The following MAMDC2 variants were observed in gnomAD, a reference collection of about 807,000 sequenced individuals.
The protein encoded by MAMDC2 is MAM domain-containing protein 2.
MAMDC2 carries 57 observed loss-of-function variants against 89.8 expected under a neutral mutation model. The ratio of observed to expected loss-of-function variants is 0.63; its 90% CI spans 0.51 to 0.79. The LOEUF (loss-of-function observed/expected upper bound fraction) is 0.79, where lower values mean the gene tolerates loss of function less well. Ranked by LOEUF, MAMDC2 falls within the 30% of genes least tolerant of loss-of-function variation. The pLI is 0.00. For synonymous variants in MAMDC2, 313 were observed against 293.4 expected (o/e 1.07, Z -0.68); for missense variants, 800 against 820.6 (o/e 0.97, Z 0.31).
chr9:70,141,755 A>C (rs1257495062), intron 8 of MAMDC2, among the ~76,000 whole-genome samples: 2 of 152,210 alleles, frequency 1.3e-5, no homozygotes, highest in Admixed American at 6.5e-5. Context: ...AAGACAAAAA[A>C]GGGTCAGGGG....
chr9:70,179,188 G>A (rs1199583736), intron 11 of MAMDC2, among the ~76,000 whole-genome samples: 1 of 152,004 alleles, frequency 6.6e-6, no homozygotes, highest in African/African-American at 2.4e-5. Flanking sequence ...TAAGACATTG[G>A]AGATCTATCT....
intron 7 of MAMDC2, among the ~76,000 whole-genome samples, chr9:70,134,717 G>T (rs568480491): frequency 1.3e-5 from 2 of 152,278 alleles, no homozygotes; most frequent in South Asian, 4.1e-4. Flanking sequence ...TACAGCTAAG[G>T]TTGCCCCAGC....
intron 5 of MAMDC2, among the ~76,000 whole-genome samples, chr9:70,121,429 C>G (rs909572424): frequency 6.6e-6 from 1 of 152,142 alleles, no homozygotes; most frequent in Non-Finnish European, 1.5e-5. Flanking sequence ...AAACCTCAGG[C>G]TCTTTGTGTA....
intron 12 of MAMDC2, among the ~76,000 whole-genome samples, chr9:70,219,031 G>T (rs533223444): frequency 2.0e-5 from 3 of 152,254 alleles, no homozygotes; most frequent in Non-Finnish European, 4.4e-5. Flanking sequence ...ATGGTCCAGA[G>T]TAAGTTTTGT....
rs545075721 is a variant in MAMDC2 at position 70,055,070 on chromosome 9, C to CAAA, written c.148+10376_148+10378dup. 4.2e-3 allele frequency among the ~76,000 whole-genome samples: 642 copies of CAAA among 152,180 alleles called. 5 individuals are homozygous for CAAA. Among genetic ancestry groups the CAAA allele is most frequent in the African/African-American group, 0.015 (612 of 41,532 alleles). On this transcript the variant is annotated intron_variant, in intron 2 of 13. Transcript: ENST00000377182. ...GTCTCTTTAAAAAAACAAAACAACA[C>CAAA]AAAAACAAGTCTTTTATAAGCTGCA...
rs149704650 is a variant in MAMDC2, at chr9:70,140,225, G to C, written c.1075G>C (p.Gly359Arg). 8 of 1,600,648 alleles carry C rather than the reference G, an allele frequency of 5.0e-6. No individual in the cohort carries two copies. In the African/African-American group the frequency reaches 8.1e-5, roughly 16 times the overall value. Residue 359 changes from glycine to arginine, a missense_variant, in exon 8 of 14, where the codon GGT becomes CGT. Physicochemically the swap from Gly to Arg is moderately radical, Grantham distance 125. Coordinates refer to ENST00000377182, the MANE Select transcript of MAMDC2 (RefSeq NM_153267.5). Reference protein sequence around the residue: ...CNFYQDKEGPGWTRVKVKPNM... With the variant: ...CNFYQDKEGPRWTRVKVKPNM... ...CTTTTACCAAGATAAAGAAGGTCCAGGTTGGACCCGAGTGAAAGTAAAACC... is the reference window on the plus strand; with the variant it reads ...CTTTTACCAAGATAAAGAAGGTCCACGTTGGACCCGAGTGAAAGTAAAACC...
intron 11 of MAMDC2, among the ~76,000 whole-genome samples, chr9:70,207,646 T>G (rs563555044): frequency 8.0e-4 from 122 of 152,334 alleles, no homozygotes; most frequent in Non-Finnish European, 1.3e-3. Context: ...TTAGATCCCA[T>G]TTGTCAATTT....
chr9:70,217,101 A>C, intron 11 of MAMDC2: 1 of 537,236 alleles, frequency 1.9e-6, no homozygotes, highest in Non-Finnish European at 3.3e-6. Flanking sequence ...AATAGCAATA[A>C]AATAAAATTA....
intron 9 of MAMDC2, among the ~76,000 whole-genome samples, chr9:70,156,601 A>C (rs1009752243): frequency 6.6e-6 from 1 of 152,228 alleles, no homozygotes; most frequent in Non-Finnish European, 1.5e-5. Flanking sequence ...ATTACTGACA[A>C]GATAATCAAC....
intron 2 of MAMDC2, chr9:70,083,580 G>C (rs1478886221): frequency 6.6e-6 from 1 of 152,094 alleles, no homozygotes; most frequent in Non-Finnish European, 1.5e-5. Context: ...TAACTGAAGA[G>C]AAGGATGGCA....
intron 7 of MAMDC2, among the ~76,000 whole-genome samples, chr9:70,135,540 A>G (rs1341550697): frequency 6.6e-6 from 1 of 152,196 alleles, no homozygotes; most frequent in Non-Finnish European, 1.5e-5. Flanking sequence ...TTAGCAAAAT[A>G]TTATAATCCC....
intron 11 of MAMDC2, among the ~76,000 whole-genome samples, chr9:70,202,388 T>C (rs1012641806): frequency 2.6e-4 from 40 of 152,146 alleles, no homozygotes; most frequent in Non-Finnish European, 5.3e-4. Context: ...TAATCCTGAG[T>C]TCTAGTTTGA....
At chr9:70,064,349 C>A (rs1563937643) in intron 2 of MAMDC2, among the ~76,000 whole-genome samples, 1 of 152,090 alleles carries the variant, frequency 6.6e-6, no homozygotes, top group Non-Finnish European at 1.5e-5. Context: ...TCCATTGTAT[C>A]ACTCTTATGC....
chr9:70,162,746 A>G (rs2032017805), intron 9 of MAMDC2, among the ~76,000 whole-genome samples: 1 of 151,916 alleles, frequency 6.6e-6, no homozygotes, highest in African/African-American at 2.4e-5. Context: ...TGGCCTCCCA[A>G]AGTGTTGGGA....
At chr9:70,142,270 TG>T (rs1217683050) in intron 8 of MAMDC2, among the ~76,000 whole-genome samples, 1 of 152,120 alleles carries the variant, frequency 6.6e-6, no homozygotes, top group Non-Finnish European at 1.5e-5. Context: ...TGGAAAGAGC[TG>T]GTCACACCAC....
At chr9:70,082,113 A>C (rs2975862) in intron 2 of MAMDC2, 1 of 152,068 alleles carries the variant, frequency 6.6e-6, no homozygotes, top group Non-Finnish European at 1.5e-5. Flanking sequence ...AAACAAATGC[A>C]TACAGGAATT....
intron 11 of MAMDC2, among the ~76,000 whole-genome samples, chr9:70,201,796 C>T (rs528679141): frequency 1.4e-5 from 2 of 147,008 alleles, no homozygotes; most frequent in East Asian, 2.0e-4. Context: ...GTGCATGTGT[C>T]GAGGAATGTA....
In MAMDC2 at chr9:70,059,837, C is replaced by A. The variant is rs111379894; in HGVS notation, c.148+15140C>A. Among the ~76,000 whole-genome samples, 561 of 152,322 alleles carry A rather than the reference C, an allele frequency of 3.7e-3. 3 individuals carry two copies. Among genetic ancestry groups the A allele is most frequent in the African/African-American group, 0.012 (478 of 41,552 alleles). On this transcript the variant is annotated intron_variant, in intron 2 of 13. Coordinates refer to ENST00000377182, the MANE Select transcript of MAMDC2 (RefSeq NM_153267.5). ...CACTGCCACACCCAAATACCCAATT[C>A]ATGAGCTCCCTTGACTGGAGGCTCA...
At chr9:70,073,455 G>T (rs944020596) in intron 2 of MAMDC2, among the ~76,000 whole-genome samples, 1 of 152,170 alleles carries the variant, frequency 6.6e-6, no homozygotes, top group African/African-American at 2.4e-5. Flanking sequence ...ACTTTATCTT[G>T]TCCAGATTCC....
Sources: allele counts gnomAD v4.1 joint callset (sites outside exome capture counted in the v4.1 genomes callset), GRCh38; gene constraint gnomAD v4.1.1; transcripts MANE v1.5; gene names NCBI Gene and HGNC (gene_info 2026-07-23, HGNC 2026-07-21).